Variants in HSPA1B observed in about 807,000 individuals in gnomAD.
HSPA1B encodes heat shock protein family A (Hsp70) member 1B, also known as heat shock 70 kDa protein 1B.
A neutral mutation model predicts 9.0 loss-of-function variants in HSPA1B; 7 were observed. The ratio of observed to expected loss-of-function variants is 0.78; its 90% CI spans 0.44 to 1.46. The LOEUF is 1.46. Ranked by LOEUF, HSPA1B falls within the 40% of genes most tolerant of loss-of-function variation. The probability of loss-of-function intolerance (pLI) is 0.01; values close to 1 mark genes in which losing one functional copy is unlikely to be tolerated. For missense variants in HSPA1B, 199 were observed against 424.5 expected (o/e 0.47, Z 4.67); for synonymous variants, 125 against 184.5 (o/e 0.68, Z 2.61).
chr6:31,827,867 G>A lies in HSPA1B; in HGVS notation c.-84G>A. The A allele has an allele frequency of 6.2e-7, 1 of 1,611,938 alleles. No individual in the cohort carries two copies. Among genetic ancestry groups the A allele is most frequent in the Non-Finnish European group, 8.5e-7 (1 of 1,179,376 alleles). On this transcript the variant is annotated 5_prime_UTR_variant, in exon 1 of 1. Transcript: ENST00000375650. ...CGGCGTGTTGAGTTTCCGGCGTTCC[G>A]AAGGACTGAGCTCTTGTCGCGGATC...
rs1271023993 is a variant in HSPA1B at position 31,828,499 on chromosome 6, C to T, written c.549C>T (p.Tyr183=). The change falls in exon 1 of 1, where the codon TAC becomes TAT. Residue 183 remains tyrosine, a synonymous_variant. Coordinates refer to ENST00000375650, the MANE Select transcript of HSPA1B (RefSeq NM_005346.6). ...INEPTAAAIA[Y]GLDRTGKGER... is the part of the protein sequence containing the mutation. ...AGCCCACGGCCGCCGCCATCGCCTA[C>T]GGCCTGGACAGAACGGGCAAGGGGG... 2.5e-5 allele frequency: 6 copies of T among 242,364 alleles called. No individual in the cohort carries two copies. In the East Asian group the frequency reaches 4.1e-4, roughly 16 times the overall value. 15.0% of individuals were successfully genotyped at this position (242,364 alleles called of 1,614,324 possible). A position where few individuals can be genotyped will look rare whatever the true frequency, so the allele number is the denominator to read the frequency against.
rs9279427 is a variant in HSPA1B, at chr6:31,830,146, GTTTTTTTTT to G, written c.*286_*294del. ...TGCCACCTTCTGTACGAGTTTGTTT[GTTTTTTTTT>G]TTTTTTTTTTTTTTTGCTTGGCGAA... On this transcript the variant is annotated 3_prime_UTR_variant, in exon 1 of 1. Transcript: ENST00000375650. 106 of 84,062 alleles carry G rather than the reference GTTTTTTTTT, an allele frequency of 1.3e-3. 1 individual carries two copies. Among genetic ancestry groups the G allele is most frequent in the African/African-American group, 4.2e-3 (70 of 16,534 alleles). 5.2% of individuals were successfully genotyped at this position (84,062 alleles called of 1,614,324 possible).
In HSPA1B at chr6:31,827,767, G is replaced by T. The variant is rs1213162153; in HGVS notation, c.-184G>T. The T allele has an allele frequency of 4.5e-6, 6 of 1,339,418 alleles. No homozygotes were observed. The highest frequency in any genetic ancestry group is 2.9e-5 in the African/African-American group (2 of 69,088). The allele number at this position is 1,339,418 out of a possible 1,614,324, so 83.0% of individuals were successfully genotyped here. ...GGCCAGCCTGAGGAGCTGCTGCGAG[G>T]GTCCGCTTCGTCTTTCGAGAGTGAC... On this transcript the variant is annotated 5_prime_UTR_variant, in exon 1 of 1. Transcript: ENST00000375650.
chr6:31,829,684 C>T lies in HSPA1B; in HGVS notation c.1734C>T (p.Ile578=). ...KKVLDKCQEV[I]SWLDANTLAE... is the part of the protein sequence containing the mutation. ...TTCTGGACAAGTGTCAAGAGGTCAT[C>T]TCGTGGCTGGACGCCAACACCTTGG... is the stretch of plus-strand genomic sequence containing the variant. The change falls in exon 1 of 1, where the codon ATC becomes ATT. Residue 578 remains isoleucine, a synonymous_variant. Transcript: ENST00000375650. The T allele has an allele frequency of 1.2e-6, 2 of 1,612,674 alleles. No individual in the cohort carries two copies. The highest frequency in any genetic ancestry group is 1.7e-6 in the Non-Finnish European group (2 of 1,179,852).
rs34004874 is a variant in HSPA1B, at chr6:31,827,968, G to A, written c.18G>A (p.Ala6=). 23,322 of 1,613,112 alleles carry A rather than the reference G, an allele frequency of 0.014. 428 individuals carry two copies. The highest frequency in any genetic ancestry group is 0.038 in the Middle Eastern group (230 of 6,058). Residue 6 remains alanine (A), a synonymous_variant, in exon 1 of 1, where the codon GCG becomes GCA. Coordinates refer to ENST00000375650, the MANE Select transcript of HSPA1B (RefSeq NM_005346.6). The part of the protein sequence containing the change: MAKAA[A]IGIDLGTTYS... The stretch of plus-strand genomic sequence containing the variant: ...GCACCGGCATGGCCAAAGCCGCGGC[G>A]ATCGGCATCGACCTGGGCACCACCT...
chr6:31,829,357 G>A lies in HSPA1B; in HGVS notation c.1407G>A (p.Arg469=). The A allele has an allele frequency of 1.5e-6, 1 of 647,244 alleles. No individual in the cohort carries two copies. The highest frequency in any genetic ancestry group is 2.4e-6 in the Non-Finnish European group (1 of 410,004). 40.1% of individuals were successfully genotyped at this position (647,244 alleles called of 1,614,324 possible). The part of the protein sequence containing the change: ...FELSGIPPAP[R]GVPQIEVTFD... ...TGAGCGGCATCCCTCCGGCCCCCAGGGGCGTGCCCCAGATCGAGGTGACCT... is the reference window on the plus strand; with the variant it reads ...TGAGCGGCATCCCTCCGGCCCCCAGAGGCGTGCCCCAGATCGAGGTGACCT... Residue 469 remains arginine (R), a synonymous_variant, in exon 1 of 1, where the codon AGG becomes AGA. Coordinates refer to ENST00000375650, the MANE Select transcript of HSPA1B (RefSeq NM_005346.6).
chr6:31,828,444 C>G lies in HSPA1B; in HGVS notation c.494C>G (p.Ala165Gly). The G allele has an allele frequency of 3.2e-6, 1 of 313,726 alleles. No individual in the cohort carries two copies. Among genetic ancestry groups the G allele is most frequent in the Non-Finnish European group, 5.5e-6 (1 of 182,842 alleles). The allele number at this position is 313,726 out of a possible 1,614,324, so 19.4% of individuals were successfully genotyped here. A position where few individuals can be genotyped will look rare whatever the true frequency, so the allele number is the denominator to read the frequency against. ...RQATKDAGVI[A>G]GLNVLRIINE... ...GCCACCAAGGATGCGGGTGTGATCG[C>G]GGGGCTCAACGTGCTGCGGATCATC... is the stretch of plus-strand genomic sequence containing the variant. Residue 165 changes from alanine to glycine, a missense_variant, in exon 1 of 1, where the codon GCG becomes GGG. By Grantham distance (60) the Ala-to-Gly change is moderately conservative (BLOSUM62 0). This residue lies in a region of HSPA1B where 49 missense variants were observed against 40.0 expected (regional missense o/e 1.23). Coordinates refer to ENST00000375650, the MANE Select transcript of HSPA1B (RefSeq NM_005346.6).
rs1172073140 is a variant in HSPA1B, at chr6:31,827,888, G to C, written c.-63G>C. ...TTCCGAAGGACTGAGCTCTTGTCGCGGATCCCGTCCGCCGTTTCCAGCCCC... is the reference window on the plus strand; with the variant it reads ...TTCCGAAGGACTGAGCTCTTGTCGCCGATCCCGTCCGCCGTTTCCAGCCCC... On this transcript the variant is annotated 5_prime_UTR_variant, in exon 1 of 1. Transcript: ENST00000375650. The C allele has an allele frequency of 4.7e-5, 76 of 1,612,734 alleles. 1 individual carries two copies. Among genetic ancestry groups the C allele is most frequent in the Non-Finnish European group, 6.4e-5 (75 of 1,179,766 alleles).
In HSPA1B at chr6:31,829,995, G is replaced by GTTAAT; in HGVS notation, c.*121_*122insAATTT. ...CTTTGCTGCTTCACTTCTTTGTAAA[G>GTTAAT]TTGTAACCTGATGGTAATTAGCTGG... On this transcript the variant is annotated 3_prime_UTR_variant, in exon 1 of 1. Transcript: ENST00000375650. The GTTAAT allele has an allele frequency of 6.2e-6, 8 of 1,290,292 alleles. No homozygotes were observed. The highest frequency in any genetic ancestry group is 8.6e-6 in the Non-Finnish European group (8 of 928,922). 79.9% of individuals were successfully genotyped at this position (1,290,292 alleles called of 1,614,324 possible). A position where few individuals can be genotyped will look rare whatever the true frequency, so the allele number is the denominator to read the frequency against.
At position 31,827,773 on chromosome 6, in the gene HSPA1B, C is replaced by CT; in HGVS notation, c.-176dup. 7.2e-7 allele frequency: 1 copy of CT among 1,389,222 alleles called. No homozygotes were observed. Among genetic ancestry groups the CT allele is most frequent in the Non-Finnish European group, 9.9e-7 (1 of 1,006,864 alleles). 86.1% of individuals were successfully genotyped at this position (1,389,222 alleles called of 1,614,324 possible). A position where few individuals can be genotyped will look rare whatever the true frequency, so the allele number is the denominator to read the frequency against. On this transcript the variant is annotated 5_prime_UTR_variant, in exon 1 of 1. Coordinates refer to ENST00000375650, the MANE Select transcript of HSPA1B (RefSeq NM_005346.6). ...CCTGAGGAGCTGCTGCGAGGGTCCG[C>CT]TTCGTCTTTCGAGAGTGACTCCCGC...
Position 31,827,915 on chromosome 6 carries a change from AG to A in HSPA1B, c.-35del. On this transcript the variant is annotated 5_prime_UTR_variant, in exon 1 of 1. Coordinates refer to ENST00000375650, the MANE Select transcript of HSPA1B (RefSeq NM_005346.6). ...ATCCCGTCCGCCGTTTCCAGCCCCC[AG>A]TCTCAGAGCGGAGCCCACAGAGCAG... 1.2e-6 allele frequency: 2 copies of A among 1,613,330 alleles called. No individual in the cohort carries two copies. Among genetic ancestry groups the A allele is most frequent in the Non-Finnish European group, 1.7e-6 (2 of 1,179,798 alleles).
At position 31,828,293 on chromosome 6, in the gene HSPA1B, T is replaced by C. The variant is rs1316468569; in HGVS notation, c.343T>C (p.Tyr115His). The C allele has an allele frequency of 1.8e-6, 1 of 560,890 alleles. No individual in the cohort carries two copies. Among genetic ancestry groups the C allele is most frequent in the Non-Finnish European group, 2.8e-6 (1 of 351,592 alleles). The allele number at this position is 560,890 out of a possible 1,614,324, so 34.7% of individuals were successfully genotyped here. A position where few individuals can be genotyped will look rare whatever the true frequency, so the allele number is the denominator to read the frequency against. Reference sequence around the variant, plus strand: ...CTACAAGGGGGAGACCAAGGCATTCTACCCCGAGGAGATCTCGTCCATGGT... The same window carrying C: ...CTACAAGGGGGAGACCAAGGCATTCCACCCCGAGGAGATCTCGTCCATGGT... ...VSYKGETKAF[Y>H]PEEISSMVLT... Residue 115 changes from tyrosine (Y) to histidine (H), a missense_variant, in exon 1 of 1, where the codon TAC (tyrosine) becomes CAC (histidine). Tyr to His is a moderately conservative substitution (Grantham distance 83, BLOSUM62 2). This residue lies in a region of HSPA1B where 49 missense variants were observed against 40.0 expected (regional missense o/e 1.23). Coordinates refer to ENST00000375650, the MANE Select transcript of HSPA1B (RefSeq NM_005346.6).
chr6:31,827,980 C>T lies in HSPA1B; in HGVS notation c.30C>T (p.Asp10=). Residue 10 remains aspartate (D), a synonymous_variant, in exon 1 of 1, where the codon GAC becomes GAT. Coordinates refer to ENST00000375650, the MANE Select transcript of HSPA1B (RefSeq NM_005346.6). The part of the protein sequence containing the change: MAKAAAIGI[D]LGTTYSCVGV... ...CCAAAGCCGCGGCGATCGGCATCGA[C>T]CTGGGCACCACCTACTCCTGCGTGG... The T allele has an allele frequency of 1.9e-6, 3 of 1,613,074 alleles. No homozygotes were observed. Among genetic ancestry groups the T allele is most frequent in the Non-Finnish European group, 2.5e-6 (3 of 1,179,716 alleles).
chr6:31,828,358 C>T lies in HSPA1B; in HGVS notation c.408C>T (p.Gly136=). The change falls in exon 1 of 1, where the codon GGC becomes GGT. Residue 136 remains glycine, a synonymous_variant. Transcript: ENST00000375650. ...AGGAGATCGCCGAGGCGTACCTGGG[C>T]TACCCGGTGACCAACGCGGTGATCA... ...KMKEIAEAYL[G]YPVTNAVITV... The T allele has an allele frequency of 2.3e-6, 1 of 441,908 alleles. No homozygotes were observed. The highest frequency in any genetic ancestry group is 3.7e-6 in the Non-Finnish European group (1 of 267,316). 27.4% of individuals were successfully genotyped at this position (441,908 alleles called of 1,614,324 possible). A position where few individuals can be genotyped will look rare whatever the true frequency, so the allele number is the denominator to read the frequency against.
rs370054194 is a variant in HSPA1B, at chr6:31,829,678, G to A, written c.1728G>A (p.Glu576=). The change falls in exon 1 of 1, where the codon GAG becomes GAA. Residue 576 remains glutamate (E), a synonymous_variant. Transcript: ENST00000375650. ...AGAAGGTTCTGGACAAGTGTCAAGA[G>A]GTCATCTCGTGGCTGGACGCCAACA... ...DKKKVLDKCQ[E]VISWLDANTL... is the part of the protein sequence containing the mutation. The A allele has an allele frequency of 3.5e-5, 57 of 1,612,632 alleles. No homozygotes were observed. The highest frequency in any genetic ancestry group is 4.7e-5 in the Non-Finnish European group (56 of 1,179,870).
chr6:31,829,898 T>C lies in HSPA1B; in HGVS notation c.*22T>C. 1 of 1,608,772 alleles carries C rather than the reference T, an allele frequency of 6.2e-7. No individual in the cohort carries two copies. Among genetic ancestry groups the C allele is most frequent in the Non-Finnish European group, 8.5e-7 (1 of 1,177,858 alleles). ...TTAGGGGCCTTTGTTCTTTAGTATG[T>C]TTGTCTTTGAGGTGGACTGTTGGGA... is the stretch of plus-strand genomic sequence containing the variant. On this transcript the variant is annotated 3_prime_UTR_variant, in exon 1 of 1. Coordinates refer to ENST00000375650, the MANE Select transcript of HSPA1B (RefSeq NM_005346.6).
rs1311706893 is a variant in HSPA1B at position 31,828,050 on chromosome 6, G to A, written c.100G>A (p.Gly34Ser). 1.9e-6 allele frequency: 3 copies of A among 1,608,610 alleles called. No individual in the cohort carries two copies. The highest frequency in any genetic ancestry group is 2.5e-6 in the Non-Finnish European group (3 of 1,178,534). The change falls in exon 1 of 1, where the codon GGC (glycine) becomes AGC (serine). Residue 34 changes from glycine to serine, a missense_variant. Gly to Ser is a moderately conservative substitution (Grantham distance 56). Transcript: ENST00000375650. ...GGTGGAGATCATCGCCAACGACCAGGGCAACCGCACCACCCCCAGCTACGT... is the reference window on the plus strand; with the variant it reads ...GGTGGAGATCATCGCCAACGACCAGAGCAACCGCACCACCCCCAGCTACGT... ...GKVEIIANDQ[G>S]NRTTPSYVAF...
At position 31,829,883 on chromosome 6, in the gene HSPA1B, T is replaced by A. The variant is rs1254527597; in HGVS notation, c.*7T>A. 6 of 1,611,314 alleles carry A rather than the reference T, an allele frequency of 3.7e-6. No homozygotes were observed. The highest frequency in any genetic ancestry group is 5.1e-6 in the Non-Finnish European group (6 of 1,179,250). On this transcript the variant is annotated 3_prime_UTR_variant, in exon 1 of 1. Transcript: ENST00000375650. The stretch of plus-strand genomic sequence containing the variant: ...CATTGAGGAGGTGGATTAGGGGCCT[T>A]TGTTCTTTAGTATGTTTGTCTTTGA...
chr6:31,829,880 C>T lies in HSPA1B; in HGVS notation c.*4C>T, dbSNP rs1206725726. ...TACCATTGAGGAGGTGGATTAGGGG[C>T]CTTTGTTCTTTAGTATGTTTGTCTT... On this transcript the variant is annotated 3_prime_UTR_variant, in exon 1 of 1. Coordinates refer to ENST00000375650, the MANE Select transcript of HSPA1B (RefSeq NM_005346.6). The T allele has an allele frequency of 1.9e-6, 3 of 1,611,342 alleles. No individual in the cohort carries two copies. In the African/African-American group the frequency reaches 4.0e-5, roughly 22 times the overall value.
Sources: allele counts gnomAD v4.1 joint callset, GRCh38; gene constraint gnomAD v4.1.1; regional missense constraint gnomAD v4.1.1; transcripts MANE v1.5; gene names NCBI Gene and HGNC (gene_info 2026-07-23, HGNC 2026-07-21).